ZNF559: variants seen among roughly 807,000 people sequenced by gnomAD.
The protein encoded by ZNF559 is putative protein product of Nbla00121.
In ZNF559, 17 loss-of-function variants were observed where a neutral mutation model predicts 14.2. That is an observed-to-expected ratio of 1.20 (90% CI 0.82 to 1.80). ZNF559 has a LOEUF of 1.80. ZNF559 is among the 40% of genes most tolerant of loss of function. ZNF559 has a pLI of 0.00. For synonymous variants in ZNF559, 244 were observed against 212.4 expected (o/e 1.15, Z -1.29); for missense variants, 740 against 629.7 (o/e 1.18, Z -1.88).
Position 9,324,216 on chromosome 19 carries a change from G to T in ZNF559, c.-218G>T. ...GCCGCCATCTTAACAGCGCGTTCCC[G>T]TTGGCGTCTGAGGTAAGTTTTTGTT... On this transcript the variant is annotated 5_prime_UTR_variant, in exon 1 of 7. Coordinates refer to ENST00000603380, the MANE Select transcript of ZNF559 (RefSeq NM_032497.3). 2.0e-6 allele frequency: 3 copies of T among 1,536,118 alleles called. No homozygotes were observed. Among genetic ancestry groups the T allele is most frequent in the Non-Finnish European group, 2.6e-6 (3 of 1,146,888 alleles).
intron 3 of ZNF559, 161 bp downstream of exon 3, chr19:9,338,019 T>TA (rs2067336485): frequency 6.5e-7 from 1 of 1,535,452 alleles, no homozygotes; most frequent in African/African-American, 1.4e-5. Flanking sequence ...CCCTTTGTGG[T>TA]AAGTCCGTAT....
At position 9,343,227 on chromosome 19, in the gene ZNF559, T is replaced by C; in HGVS notation, c.*159T>C. 1 of 1,443,632 alleles carries C rather than the reference T, an allele frequency of 6.9e-7. No homozygotes were observed. The highest frequency in any genetic ancestry group is 9.1e-7 in the Non-Finnish European group (1 of 1,104,072). 89.4% of individuals were successfully genotyped at this position (1,443,632 alleles called of 1,614,324 possible). ...AACAATTCCAATAGAAGAGAAGACATATGAATGTAAGGAATGTGGGAAAAT... is the reference window on the plus strand; with the variant it reads ...AACAATTCCAATAGAAGAGAAGACACATGAATGTAAGGAATGTGGGAAAAT... On this transcript the variant is annotated 3_prime_UTR_variant, in exon 7 of 7. Transcript: ENST00000603380.
rs770879883 is a variant in ZNF559 at position 9,342,910 on chromosome 19, C to G, written c.1459C>G (p.His487Asp). ...AGGCCTTACAGTACACATGAGAACTCACACTGGTGAACGGCCCTTTGAATG... is the reference window on the plus strand; with the variant it reads ...AGGCCTTACAGTACACATGAGAACTGACACTGGTGAACGGCCCTTTGAATG... ...SSGLTVHMRT[H>D]TGERPFECQE... The change falls in exon 7 of 7, where the codon CAC (histidine) becomes GAC (aspartate). Residue 487 changes from histidine to aspartate, a missense_variant. His to Asp is a moderately conservative substitution (Grantham distance 81). Transcript: ENST00000603380. The G allele has an allele frequency of 5.6e-6, 9 of 1,614,074 alleles. No homozygotes were observed. Among genetic ancestry groups the G allele is most frequent in the Non-Finnish European group, 7.6e-6 (9 of 1,180,046 alleles).
Position 9,324,212 on chromosome 19 carries a change from T to A in ZNF559, c.-222T>A, listed in dbSNP as rs779303798. ...AACGGCCGCCATCTTAACAGCGCGT[T>A]CCCGTTGGCGTCTGAGGTAAGTTTT... On this transcript the variant is annotated 5_prime_UTR_variant, in exon 1 of 7. Transcript: ENST00000603380. The A allele has an allele frequency of 3.3e-6, 5 of 1,535,982 alleles. No homozygotes were observed. Among genetic ancestry groups the A allele is most frequent in the Non-Finnish European group, 4.4e-6 (5 of 1,146,890 alleles).
Position 9,341,696 on chromosome 19 carries a change from A to T in ZNF559, c.245A>T (p.Glu82Val). 1.3e-6 allele frequency: 2 copies of T among 1,598,284 alleles called. No individual in the cohort carries two copies. The highest frequency in any genetic ancestry group is 1.7e-6 in the Non-Finnish European group (2 of 1,175,240). ...ACCATCATTAATTTTCACCAACAGG[A>T]GAGAAACCATTTTGGAGAGGAACTG... ...QGKTSSVVEM[E>V]RNHFGEELFD... Residue 82 changes from glutamate (E) to valine (V), a missense_variant and splice_region_variant, in exon 7 of 7, where the codon GAG (glutamate) becomes GTG (valine). Physicochemically the swap from Glu to Val is moderately radical, Grantham distance 121. Coordinates refer to ENST00000603380, the MANE Select transcript of ZNF559 (RefSeq NM_032497.3).
intron 5 of ZNF559, among the ~76,000 whole-genome samples, chr19:9,339,829 C>T (rs1244241626): frequency 2.0e-5 from 3 of 147,144 alleles, no homozygotes; most frequent in Non-Finnish European, 4.5e-5. Flanking sequence ...AGTGCAGTGG[C>T]GTGATCTTGG....
At position 9,343,225 on chromosome 19, in the gene ZNF559, CAT is replaced by C. The variant is rs1288481178; in HGVS notation, c.*160_*161del. 6.9e-5 allele frequency: 100 copies of C among 1,446,166 alleles called. No individual in the cohort carries two copies. Among genetic ancestry groups the C allele is most frequent in the Admixed American group, 1.1e-4 (4 of 36,406 alleles). 89.6% of individuals were successfully genotyped at this position (1,446,166 alleles called of 1,614,324 possible). On this transcript the variant is annotated 3_prime_UTR_variant, in exon 7 of 7. Transcript: ENST00000603380. The stretch of plus-strand genomic sequence containing the variant: ...TTAACAATTCCAATAGAAGAGAAGA[CAT>C]ATGAATGTAAGGAATGTGGGAAAAT...
intron 2 of ZNF559, chr19:9,330,231 T>A (rs556326166): frequency 6.6e-6 from 1 of 152,350 alleles, no homozygotes; most frequent in South Asian, 2.1e-4. Flanking sequence ...AAGTCATTTT[T>A]CTCTTGCTGC....
rs761233342 is a variant in ZNF559 at position 9,324,663 on chromosome 19, C to T, written c.-205-32C>T. 2.2e-5 allele frequency: 31 copies of T among 1,434,206 alleles called. No homozygotes were observed. In the African/African-American group the frequency reaches 3.6e-4, roughly 17 times the overall value. 88.8% of individuals were successfully genotyped at this position (1,434,206 alleles called of 1,614,324 possible). On this transcript the variant is annotated intron_variant, in intron 1 of 6. Transcript: ENST00000603380. ...CTAATGGAAAAAAAAAAAAAAGTCT[C>T]CACATCCAGCGTTGTGCCTTTTCTC...
rs868606377 is a variant in ZNF559 at position 9,342,436 on chromosome 19, A to G, written c.985A>G (p.Lys329Glu). 6.2e-7 allele frequency: 1 copy of G among 1,614,174 alleles called. No homozygotes were observed. Among genetic ancestry groups the G allele is most frequent in the Non-Finnish European group, 8.5e-7 (1 of 1,180,026 alleles). ...TGGAGAAAAACCGTATGAGTGCAACAAATGTGGGAAAGCCTTCACTGATTC... is the reference window on the plus strand; with the variant it reads ...TGGAGAAAAACCGTATGAGTGCAACGAATGTGGGAAAGCCTTCACTGATTC... ...HTGEKPYECN[K>E]CGKAFTDSSG... Residue 329 changes from lysine (K) to glutamate (E), a missense_variant, in exon 7 of 7, where the codon AAA (lysine) becomes GAA (glutamate). Coordinates refer to ENST00000603380, the MANE Select transcript of ZNF559 (RefSeq NM_032497.3).
chr19:9,328,940 A>G (rs981499121), intron 2 of ZNF559, among the ~76,000 whole-genome samples: 1 of 152,236 alleles, frequency 6.6e-6, no homozygotes, highest in African/African-American at 2.4e-5. Flanking sequence ...TCTTACTGAT[A>G]GAATTTCAAA....
At chr19:9,338,043 A>G (rs2067337675) in intron 3 of ZNF559, 185 bp downstream of exon 3, 11 of 1,529,748 alleles carry the variant, frequency 7.2e-6, no homozygotes, top group Non-Finnish European at 9.6e-6. Flanking sequence ...TGGTCCTTCA[A>G]GACGCTGCTT....
chr19:9,341,271 TGA>T, intron 6 of ZNF559, 87 bp downstream of exon 6: 1 of 1,225,150 alleles, frequency 8.2e-7, no homozygotes, highest in Non-Finnish European at 1.2e-6. Context: ...ACAATAACCT[TGA>T]GACATTTGAG....
At chr19:9,341,409 A>G (rs1281073020) in intron 6 of ZNF559, 2 of 752,128 alleles carry the variant, frequency 2.7e-6, no homozygotes, top group Non-Finnish European at 4.7e-6. Context: ...TCCCATATGT[A>G]TCTCAGATGT....
At chr19:9,339,762 CTTTACTTTTTT>C (rs2067442864) in intron 5 of ZNF559, among the ~76,000 whole-genome samples, 1 of 115,870 alleles carries the variant, frequency 8.6e-6, no homozygotes, top group Non-Finnish European at 1.8e-5. Flanking sequence ...CTTGCACATT[CTTTACTTTTTT>C]TTTTTTTTTT....
At chr19:9,324,066 C>A, upstream of ZNF559, 1 of 1,281,668 alleles carries the variant, frequency 7.8e-7, no homozygotes, top group South Asian at 1.3e-5. Flanking sequence ...ACAGCATTTC[C>A]TCTCAGCTCT....
upstream of ZNF559, chr19:9,324,026 C>T (rs953243365): frequency 4.8e-6 from 4 of 833,442 alleles, no homozygotes; most frequent in Admixed American, 2.7e-5. Flanking sequence ...GACCCCCTAC[C>T]GGTGACACTT....
intron 2 of ZNF559, among the ~76,000 whole-genome samples, chr19:9,329,884 G>A (rs545720580): frequency 2.9e-4 from 44 of 152,204 alleles, no homozygotes; most frequent in African/African-American, 9.9e-4. Flanking sequence ...GGCTGGTCTC[G>A]AACTCCTAAC....
chr19:9,331,095 C>T (rs1307380349), intron 2 of ZNF559, among the ~76,000 whole-genome samples: 1 of 152,198 alleles, frequency 6.6e-6, no homozygotes, highest in Non-Finnish European at 1.5e-5. Context: ...CTCAGTCATA[C>T]AGAGCAGATG....
Sources: gnomAD v4.1 joint callset for allele counts (sites outside exome capture counted in the v4.1 genomes callset) on GRCh38, gnomAD v4.1.1 for gene constraint, MANE v1.5 for transcripts, NCBI Gene and HGNC (gene_info 2026-07-23, HGNC 2026-07-21) for gene names.